The following GPR107 variants were observed in gnomAD, a reference collection of about 807,000 sequenced individuals.
The protein encoded by GPR107 is G protein-coupled receptor 107.
Under a neutral mutation model 75.5 loss-of-function variants are expected in GPR107, and 31 were observed. That is an observed-to-expected ratio of 0.41 (90% confidence interval 0.31 to 0.55). The LOEUF (loss-of-function observed/expected upper bound fraction) is 0.55, where lower values mean the gene tolerates loss of function less well. GPR107 is among the 20% of genes least tolerant of loss of function. The probability of loss-of-function intolerance (pLI) is 0.26; values close to 1 mark genes in which losing one functional copy is unlikely to be tolerated. For synonymous variants in GPR107, 267 were observed against 251.3 expected (o/e 1.06, Z -0.59); for missense variants, 572 against 665.7 (o/e 0.86, Z 1.55).
intron 6 of GPR107, among the ~76,000 whole-genome samples, chr9:130,084,149 G>A (rs553954231): frequency 2.1e-4 from 32 of 150,562 alleles, no homozygotes; most frequent in Non-Finnish European, 3.5e-4. Flanking sequence ...CGTAATCCCA[G>A]CACTTTGGGA....
At position 130,138,271 on chromosome 9, in the gene GPR107, T is replaced by C. The variant is rs1554900258; in HGVS notation, c.*3150T>C. 6.6e-6 allele frequency: 1 copy of C among 152,154 alleles called. No individual in the cohort carries two copies. Among genetic ancestry groups the C allele is most frequent in the Non-Finnish European group, 1.5e-5 (1 of 68,038 alleles). The allele number at this position is 152,154 out of a possible 1,614,324, so 9.4% of individuals were successfully genotyped here. A position where few individuals can be genotyped will look rare whatever the true frequency, so the allele number is the denominator to read the frequency against. ...CAAGAAACCACTTCAGAGTGAAATA[T>C]CCAGGGTTTCCCCGCCCTGGACATG... On this transcript the variant is annotated 3_prime_UTR_variant, in exon 18 of 18. Transcript: ENST00000347136.
At chr9:130,110,070 C>T (rs916958949) in intron 14 of GPR107, among the ~76,000 whole-genome samples, 1 of 152,120 alleles carries the variant, frequency 6.6e-6, no homozygotes, top group African/African-American at 2.4e-5. Context: ...CCCTTCTTTG[C>T]GTCCTCCCCG....
intron 14 of GPR107, among the ~76,000 whole-genome samples, chr9:130,122,487 T>A (rs557371256): frequency 2.7e-4 from 41 of 152,330 alleles, no homozygotes; most frequent in African/African-American, 9.4e-4. Context: ...TCAGTTCTCA[T>A]GTCTTGTCCT....
rs113393871 is a variant in GPR107 at position 130,054,562 on chromosome 9, G to A, written c.141+489G>A. Among the ~76,000 whole-genome samples the A allele has an allele frequency of 2.6e-3, 401 of 152,284 alleles. 2 individuals are homozygous for A. The highest frequency in any genetic ancestry group is 8.2e-3 in the African/African-American group (342 of 41,542). ...TCTCTGGAGCGAGACTCTAGAGAAG[G>A]AATTTCAAATCTTGCTTAAAACACG... On this transcript the variant is annotated intron_variant, in intron 1 of 17. Coordinates refer to ENST00000347136, the MANE Select transcript of GPR107 (RefSeq NM_020960.5).
chr9:130,117,970 G>A (rs534407810), intron 14 of GPR107, among the ~76,000 whole-genome samples: 7 of 152,158 alleles, frequency 4.6e-5, no homozygotes, highest in African/African-American at 1.7e-4. Context: ...TGAACTAATC[G>A]TCCTGACCTG....
At chr9:130,054,341 G>A (rs1829677637) in intron 1 of GPR107, among the ~76,000 whole-genome samples, 1 of 152,198 alleles carries the variant, frequency 6.6e-6, no homozygotes, top group South Asian at 2.1e-4. Flanking sequence ...GACTCGGGAG[G>A]CTGCTCTTAA....
intron 1 of GPR107, among the ~76,000 whole-genome samples, chr9:130,062,991 C>G (rs1829969028): frequency 6.6e-6 from 1 of 152,120 alleles, no homozygotes; most frequent in African/African-American, 2.4e-5. Flanking sequence ...TGGTCCTGAA[C>G]TCTTTATGAG....
intron 9 of GPR107, among the ~76,000 whole-genome samples, chr9:130,096,343 C>T (rs1712076749): frequency 1.3e-5 from 2 of 152,086 alleles, no homozygotes; most frequent in Non-Finnish European, 2.9e-5. Flanking sequence ...TTGTGGTACA[C>T]TCTCATTCTC....
intron 14 of GPR107, among the ~76,000 whole-genome samples, chr9:130,109,600 C>T (rs1393576130): frequency 6.7e-6 from 1 of 148,348 alleles, no homozygotes; most frequent in Non-Finnish European, 1.5e-5. Context: ...GACGAAGTCT[C>T]GCACTGTCTG....
intron 14 of GPR107, chr9:130,108,950 G>A: frequency 6.5e-6 from 2 of 307,206 alleles, no homozygotes; most frequent in Non-Finnish European, 1.3e-5. Flanking sequence ...AAAACCCAAG[G>A]TAGGAAGTAC....
chr9:130,096,325 A>G (rs778703888), intron 9 of GPR107, among the ~76,000 whole-genome samples: 12 of 151,864 alleles, frequency 7.9e-5, no homozygotes, highest in Non-Finnish European at 1.6e-4. Context: ...CCAGAAACTG[A>G]TATCCCTTTG....
intron 1 of GPR107, among the ~76,000 whole-genome samples, chr9:130,064,214 G>A (rs1306673142): frequency 5.9e-5 from 6 of 102,272 alleles, no homozygotes; most frequent in African/African-American, 2.2e-4. Flanking sequence ...TTTTTGAGAC[G>A]GAGTCTCGCT....
At chr9:130,064,708 A>C (rs7863473) in intron 1 of GPR107, among the ~76,000 whole-genome samples, 6,219 of 152,116 alleles carry the variant, frequency 0.041, 428 homozygotes, top group African/African-American at 0.14. Context: ...TGCAGTTAAC[A>C]TTAGGTCATA....
chr9:130,072,511 G>T (rs113820038), intron 1 of GPR107, among the ~76,000 whole-genome samples: 2 of 152,004 alleles, frequency 1.3e-5, no homozygotes, highest in South Asian at 4.1e-4. Context: ...GAGCCACCGC[G>T]CCCGGCCTTG....
chr9:130,099,414 A>T, intron 9 of GPR107, 43 bp from the exon 10 acceptor site: 1 of 1,089,308 alleles, frequency 9.2e-7, no homozygotes, highest in Non-Finnish European at 1.4e-6. Context: ...GTCCTTTGGG[A>T]GAATGGAATC....
chr9:130,125,607 T>G (rs1395987674), intron 15 of GPR107, among the ~76,000 whole-genome samples: 3 of 148,332 alleles, frequency 2.0e-5, no homozygotes, highest in Non-Finnish European at 4.5e-5. Flanking sequence ...CTTTTTTTTT[T>G]TTTTTTTTTT....
At position 130,118,932 on chromosome 9, in the gene GPR107, C is replaced by CT. The variant is rs535555760; in HGVS notation, c.1307-5982dup. ...GGAAGGCAGGCCTCCTGGATCCTGC[C>CT]TGGGGCCTTGTCTCTCTCCCCACAC... On this transcript the variant is annotated intron_variant, in intron 14 of 17. Transcript: ENST00000347136. Among the ~76,000 whole-genome samples the CT allele has an allele frequency of 2.9e-3, 435 of 152,302 alleles. 6 individuals carry two copies. Among genetic ancestry groups the CT allele is most frequent in the African/African-American group, 0.01 (417 of 41,564 alleles).
intron 17 of GPR107, among the ~76,000 whole-genome samples, chr9:130,131,769 C>T (rs1018240752): frequency 6.6e-6 from 1 of 152,158 alleles, no homozygotes; most frequent in African/African-American, 2.4e-5. Flanking sequence ...GCAGAGCGTC[C>T]TGTAGGCCTT....
chr9:130,084,225 CTG>C (rs199927768), intron 6 of GPR107, among the ~76,000 whole-genome samples: 1,638 of 150,560 alleles, frequency 0.011, 31 homozygotes, highest in African/African-American at 0.038. Flanking sequence ...TAGTGAAACT[CTG>C]TCTCTACTAA....
Sources: allele counts gnomAD v4.1 joint callset (sites outside exome capture counted in the v4.1 genomes callset), GRCh38; gene constraint gnomAD v4.1.1; transcripts MANE v1.5; gene names NCBI Gene and HGNC (gene_info 2026-07-23, HGNC 2026-07-21).